The following LUZP2 variants were observed in gnomAD, a reference collection of about 807,000 sequenced individuals.
LUZP2 encodes leucine zipper protein 2.
In LUZP2, 52 loss-of-function variants were observed where a neutral mutation model predicts 51.6. The ratio of observed to expected loss-of-function variants is 1.01; its 90% CI spans 0.81 to 1.27. LUZP2 has a LOEUF of 1.27. Ranked by LOEUF, LUZP2 falls within the 50% of genes most tolerant of loss-of-function variation. The pLI, the probability that LUZP2 is intolerant of heterozygous loss-of-function variation, is 0.00. For missense variants in LUZP2, 436 were observed against 395.4 expected, an observed-to-expected ratio of 1.10 and a Z score of -0.87; for synonymous variants, 154 against 137.3, an observed-to-expected ratio of 1.12 and a Z score of -0.85.
intron 1 of LUZP2, among the ~76,000 whole-genome samples, chr11:24,601,848 GTATA>G (rs67762793): frequency 6.6e-5 from 9 of 136,806 alleles, no homozygotes; most frequent in Middle Eastern, 4.3e-3. Context: ...AAATAAACAG[GTATA>G]TATATATATA....
At chr11:25,005,273 G>A (rs751083712) in intron 9 of LUZP2, among the ~76,000 whole-genome samples, 1 of 152,124 alleles carries the variant, frequency 6.6e-6, no homozygotes, top group Non-Finnish European at 1.5e-5. Context: ...ATGGGGGTGA[G>A]CTGAAAGGTC....
At chr11:25,056,905 C>T (rs541367227) in intron 10 of LUZP2, among the ~76,000 whole-genome samples, 2 of 152,154 alleles carry the variant, frequency 1.3e-5, no homozygotes, top group Admixed American at 6.5e-5. Context: ...TCGAGACCAT[C>T]CTGGCTAACA....
At chr11:25,064,783 T>C (rs1414244001) in intron 10 of LUZP2, among the ~76,000 whole-genome samples, 1 of 152,022 alleles carries the variant, frequency 6.6e-6, no homozygotes, top group Non-Finnish European at 1.5e-5. Context: ...GGCACGTCAC[T>C]CAAGGAACAG....
chr11:24,602,152 A>T (rs1348169358), intron 1 of LUZP2, among the ~76,000 whole-genome samples: 1 of 123,380 alleles, frequency 8.1e-6, no homozygotes, highest in African/African-American at 3.3e-5. Flanking sequence ...GTATATATGT[A>T]TATATGTATA....
chr11:24,714,972 C>G (rs1799802648), intron 1 of LUZP2, among the ~76,000 whole-genome samples: 1 of 152,128 alleles, frequency 6.6e-6, no homozygotes, highest in African/African-American at 2.4e-5. Context: ...ACTAAAGACT[C>G]TCAGCCCATC....
chr11:24,672,209 T>C (rs1481715449), intron 1 of LUZP2, among the ~76,000 whole-genome samples: 1 of 152,154 alleles, frequency 6.6e-6, no homozygotes, highest in East Asian at 1.9e-4. Context: ...CTTACTGAAG[T>C]AGATTTTCTA....
At chr11:24,802,901 C>T (rs942376090) in intron 5 of LUZP2, among the ~76,000 whole-genome samples, 1 of 151,998 alleles carries the variant, frequency 6.6e-6, no homozygotes, top group Non-Finnish European at 1.5e-5. Context: ...GCATCCTCAT[C>T]CTTTCTCCTT....
At chr11:24,800,000 C>T (rs1056012722) in intron 5 of LUZP2, among the ~76,000 whole-genome samples, 13 of 152,200 alleles carry the variant, frequency 8.5e-5, no homozygotes, top group East Asian at 3.9e-4. Context: ...TCCTAAACAT[C>T]GTTGGAAGTA....
chr11:24,781,715 GT>G (rs889420303), intron 5 of LUZP2, among the ~76,000 whole-genome samples: 2 of 151,920 alleles, frequency 1.3e-5, no homozygotes, highest in African/African-American at 4.8e-5. Flanking sequence ...TAGAAAGGAA[GT>G]TTTTTTTAAT....
chr11:24,649,135 A>G (rs1855549532), intron 1 of LUZP2, among the ~76,000 whole-genome samples: 1 of 152,014 alleles, frequency 6.6e-6, no homozygotes, highest in Non-Finnish European at 1.5e-5. Flanking sequence ...TTTAAAAAGT[A>G]AAGGCAATAG....
intron 11 of LUZP2, 124 bp from the exon 12 acceptor site, chr11:25,078,430 A>T (rs1859379785): frequency 4.3e-6 from 3 of 690,082 alleles, no homozygotes; most frequent in Admixed American, 6.2e-5. Flanking sequence ...TCCTGTGTTC[A>T]TTTTCTCTAA....
At chr11:24,918,408 TG>T (rs1263450141) in intron 7 of LUZP2, among the ~76,000 whole-genome samples, 1 of 152,006 alleles carries the variant, frequency 6.6e-6, no homozygotes, top group Non-Finnish European at 1.5e-5. Context: ...ATCCCTCTCT[TG>T]TGCCGGTTTT....
chr11:25,029,679 A>G (rs7948762), intron 9 of LUZP2, among the ~76,000 whole-genome samples: 86,106 of 149,158 alleles, frequency 0.58, 26,006 homozygotes, highest in African/African-American at 0.75. Context: ...GGAGGTTGCA[A>G]TGAGCCAAGA....
At chr11:25,028,090 G>C (rs1857548476) in intron 9 of LUZP2, among the ~76,000 whole-genome samples, 1 of 151,952 alleles carries the variant, frequency 6.6e-6, no homozygotes, top group South Asian at 2.1e-4. Context: ...GTACTAGTAG[G>C]TGTGTATACT....
intron 5 of LUZP2, among the ~76,000 whole-genome samples, chr11:24,768,094 C>T (rs570787586): frequency 3.3e-5 from 5 of 152,064 alleles, no homozygotes; most frequent in African/African-American, 1.2e-4. Context: ...AAATATTAGG[C>T]AAATCAGGCA....
chr11:24,623,399 T>C (rs1447111732), intron 1 of LUZP2, among the ~76,000 whole-genome samples: 2 of 152,232 alleles, frequency 1.3e-5, no homozygotes, highest in Non-Finnish European at 2.9e-5. Flanking sequence ...GTTTTCTTTT[T>C]GTCATTTTTT....
At chr11:24,884,145 A>AGT (rs1852587853) in intron 5 of LUZP2, among the ~76,000 whole-genome samples, 11 of 152,046 alleles carry the variant, frequency 7.2e-5, no homozygotes, top group Non-Finnish European at 1.6e-4. Flanking sequence ...TGGAACTCTA[A>AGT]GGAAAAAGCT....
rs1461365575 is a variant in LUZP2, at chr11:25,080,303, G to A, written c.*1645G>A. On this transcript the variant is annotated 3_prime_UTR_variant, in exon 12 of 12. Coordinates refer to ENST00000336930, the MANE Select transcript of LUZP2 (RefSeq NM_001009909.4). The stretch of plus-strand genomic sequence containing the variant: ...GACAATTTGCCCAACTGTAGGATGA[G>A]GTATATGTTCTGAGCACGTTTAAGC... 6.6e-6 allele frequency: 1 copy of A among 152,122 alleles called. No homozygotes were observed. The highest frequency in any genetic ancestry group is 1.5e-5 in the Non-Finnish European group (1 of 68,034). 9.4% of individuals were successfully genotyped at this position (152,122 alleles called of 1,614,324 possible). A position where few individuals can be genotyped will look rare whatever the true frequency, so the allele number is the denominator to read the frequency against.
intron 9 of LUZP2, among the ~76,000 whole-genome samples, chr11:25,033,616 G>A (rs756133162): frequency 4.6e-5 from 7 of 152,024 alleles, no homozygotes; most frequent in South Asian, 2.1e-4. Flanking sequence ...TATAACTTCC[G>A]TATGTATGTC....
Sources: allele counts gnomAD v4.1 joint callset (sites outside exome capture counted in the v4.1 genomes callset), GRCh38; gene constraint gnomAD v4.1.1; transcripts MANE v1.5; gene names NCBI Gene and HGNC (gene_info 2026-07-23, HGNC 2026-07-21).